The following PRSS36 variants were observed in gnomAD, a reference collection of about 807,000 sequenced individuals.
The protein encoded by PRSS36 is serine protease 36, also known as polyserase-2.
PRSS36 carries 90 observed loss-of-function variants against 94.3 expected under a neutral mutation model. That is an observed-to-expected ratio of 0.95 (90% confidence interval 0.80 to 1.14). The LOEUF (loss-of-function observed/expected upper bound fraction) is 1.14. Ranked by LOEUF, PRSS36 falls within the 50% of genes most tolerant of loss-of-function variation. PRSS36 has a pLI of 0.00. For synonymous variants in PRSS36, 500 were observed against 489.6 expected (o/e 1.02, Z -0.28); for missense variants, 1,158 against 1,135.0 (o/e 1.02, Z -0.29).
intron 9 of PRSS36, 27 bp from the exon 10 acceptor site, chr16:31,142,671 C>A: frequency 7.1e-7 from 1 of 1,407,436 alleles, no homozygotes; most frequent in Non-Finnish European, 9.3e-7. Flanking sequence ...AGGGAGCCCG[C>A]GCTGCGGCCC....
In PRSS36 at chr16:31,140,553, C is replaced by T. The variant is rs554981830; in HGVS notation, c.2106G>A (p.Pro702=). The change falls in exon 13 of 15, where the codon CCG becomes CCA. Residue 702 remains proline, a synonymous_variant. Coordinates refer to ENST00000268281, the MANE Select transcript of PRSS36 (RefSeq NM_173502.5). ...AGCTGGCCCCCGGGGGGATACCCGC[C>T]GGGTGGAGACAGATGGGCAGGGCTG... ...SPSALPICLH[P]AGIPPGASCW... is the part of the protein sequence containing the mutation. The T allele has an allele frequency of 4.2e-5, 67 of 1,585,954 alleles. No individual in the cohort carries two copies. The highest frequency in any genetic ancestry group is 1.3e-4 in the East Asian group (6 of 44,682).
intron 12 of PRSS36, 31 bp from the exon 13 acceptor site, chr16:31,140,788 G>A (rs1369272822): frequency 3.7e-6 from 6 of 1,609,556 alleles, no homozygotes; most frequent in African/African-American, 1.3e-5. Context: ...GTCACCTTCT[G>A]CTCCTCCCAT....
intron 1 of PRSS36, 57 bp downstream of exon 1, chr16:31,149,942 G>GC (rs1344248896): frequency 3.8e-6 from 6 of 1,594,622 alleles, no homozygotes; most frequent in Admixed American, 3.4e-5. Flanking sequence ...CTGCTCTCCA[G>GC]CCCCCCAGAT....
intron 14 of PRSS36, 124 bp downstream of exon 14, chr16:31,140,169 GA>G (rs1353716146): frequency 1.3e-5 from 14 of 1,049,774 alleles, no homozygotes; most frequent in Admixed American, 3.1e-5. Context: ...CCAGCTGGGG[GA>G]CAGAGTGAGA....
At chr16:31,139,446 C>A in intron 14 of PRSS36, 30 bp from the exon 15 acceptor site, 1 of 1,597,058 alleles carries the variant, frequency 6.3e-7, no homozygotes, top group South Asian at 1.1e-5. Context: ...CCACGTGGGT[C>A]TGCTGCCCTT....
chr16:31,140,820 C>G (rs1703709456), intron 12 of PRSS36, 63 bp from the exon 13 acceptor site: 1 of 1,568,398 alleles, frequency 6.4e-7, no homozygotes, highest in African/African-American at 1.3e-5. Context: ...TCCTTCCCAG[C>G]CCAGGGGAAG....
intron 5 of PRSS36, among the ~76,000 whole-genome samples, chr16:31,147,088 TC>T (rs2057809101): frequency 6.6e-6 from 1 of 152,234 alleles, no homozygotes; most frequent in African/African-American, 2.4e-5. Flanking sequence ...GTCCTGGGCG[TC>T]CCTGGAGCTG....
In PRSS36 at chr16:31,143,454, G is replaced by A. The variant is rs145398373; in HGVS notation, c.988C>T (p.Arg330Trp). The change falls in exon 8 of 15, where the codon CGG (arginine) becomes TGG (tryptophan). Residue 330 changes from arginine to tryptophan, a missense_variant. Transcript: ENST00000268281. ...IALPECGKAP[R>W]PGAWPWEAQV... is the part of the protein sequence containing the mutation. ...GCCTCCCAGGGCCAGGCCCCTGGCC[G>A]CGGGGCCTTCCCGCACTCTGAGGGG... is the stretch of plus-strand genomic sequence containing the variant. 3.0e-5 allele frequency: 49 copies of A among 1,609,676 alleles called. No individual in the cohort carries two copies. The highest frequency in any genetic ancestry group is 4.0e-5 in the African/African-American group (3 of 74,762).
Position 31,149,140 on chromosome 16 carries a change from C to T in PRSS36, c.205G>A (p.Gly69Ser). Residue 69 changes from glycine (G) to serine (S), a missense_variant, in exon 4 of 15, where the codon GGC (glycine) becomes AGC (serine). Gly to Ser is a moderately conservative substitution (Grantham distance 56). Transcript: ENST00000268281. ...PWQVSLHHGG[G>S]HICGGSLIAP... ...ATGAGGGAGCCCCCGCAGATGTGGC[C>T]ACCTCCATGGTGCAGGCTCACTTGC... 6.3e-7 allele frequency: 1 copy of T among 1,581,456 alleles called. No individual in the cohort carries two copies. The highest frequency in any genetic ancestry group is 8.6e-7 in the Non-Finnish European group (1 of 1,165,042).
chr16:31,143,666 C>T lies in PRSS36; in HGVS notation c.892G>A (p.Ala298Thr). The change falls in exon 7 of 15, where the codon GCC becomes ACC. Residue 298 changes from alanine to threonine, a missense_variant. Coordinates refer to ENST00000268281, the MANE Select transcript of PRSS36 (RefSeq NM_173502.5). The part of the protein sequence containing the change: ...EQVMGSEPGP[A>T]FPTQPQKTQS... ...GTCTTCTGGGGCTGGGTGGGAAAGGCAGGCCCAGGCTCTGAACCCATCACC... is the reference window on the plus strand; with the variant it reads ...GTCTTCTGGGGCTGGGTGGGAAAGGTAGGCCCAGGCTCTGAACCCATCACC... 2 of 1,614,222 alleles carry T rather than the reference C, an allele frequency of 1.2e-6. No individual in the cohort carries two copies. The highest frequency in any genetic ancestry group is 1.7e-6 in the Non-Finnish European group (2 of 1,180,042).
intron 6 of PRSS36, among the ~76,000 whole-genome samples, chr16:31,144,834 T>C (rs980541570): frequency 1.3e-5 from 2 of 152,134 alleles, no homozygotes; most frequent in African/African-American, 4.8e-5. Context: ...ACGCCTGTAA[T>C]CCCAGAACTT....
Position 31,142,542 on chromosome 16 carries a change from C to T in PRSS36, c.1460G>A (p.Gly487Glu), listed in dbSNP as rs1001747331. The T allele has an allele frequency of 6.6e-7, 1 of 1,517,232 alleles. No individual in the cohort carries two copies. The highest frequency in any genetic ancestry group is 8.8e-7 in the Non-Finnish European group (1 of 1,135,660). The allele number at this position is 1,517,232 out of a possible 1,614,324, so 94.0% of individuals were successfully genotyped here. Residue 487 changes from glycine to glutamate, a missense_variant, in exon 10 of 15, where the codon GGA (glycine) becomes GAA (glutamate). Transcript: ENST00000268281. Reference sequence around the variant, plus strand: ...AGGGCAGAGCGCGTGCGGCGGGTCTCCGGGCAGCGGTACTGCCGCCCCCTG... The same window carrying T: ...AGGGCAGAGCGCGTGCGGCGGGTCTTCGGGCAGCGGTACTGCCGCCCCCTG... ...GRQGAAVPLP[G>E]DPPHALCPAY... is the part of the protein sequence containing the mutation.
intron 5 of PRSS36, among the ~76,000 whole-genome samples, chr16:31,146,719 C>T (rs575444277): frequency 2.0e-5 from 3 of 152,326 alleles, no homozygotes; most frequent in Admixed American, 1.3e-4. Flanking sequence ...GTGACTCACA[C>T]CTGTAATTCC....
chr16:31,140,523 C>T lies in PRSS36; in HGVS notation c.2136G>A (p.Trp712Ter). The T allele has an allele frequency of 6.3e-7, 1 of 1,577,538 alleles. No homozygotes were observed. ...PAGIPPGASC[W>*]VLGWKEPQDR... ...CCTGGGGTTCTTTCCAGCCCAACAC[C>T]CAGCAGCTGGCCCCCGGGGGGATAC... The change falls in exon 13 of 15, where the codon TGG becomes TGA. Residue 712 changes from tryptophan (W) to a stop codon, truncating the protein, a stop_gained. Transcript: ENST00000268281. LOFTEE classifies it high-confidence loss of function.
rs780293670 is a variant in PRSS36 at position 31,145,854 on chromosome 16, T to C, written c.655A>G (p.Thr219Ala). Residue 219 changes from threonine (T) to alanine (A), a missense_variant, in exon 6 of 15, where the codon ACT (threonine) becomes GCT (alanine). Coordinates refer to ENST00000268281, the MANE Select transcript of PRSS36 (RefSeq NM_173502.5). Reference sequence around the variant, plus strand: ...AGCATCCCTGGCAATATCTGGAGAGTGAGGTTGAAGGGACCGGGCTGGCTG... The same window carrying C: ...AGCATCCCTGGCAATATCTGGAGAGCGAGGTTGAAGGGACCGGGCTGGCTG... ...LYSQPGPFNL[T>A]LQILPGMLCA... 17 of 1,613,672 alleles carry C rather than the reference T, an allele frequency of 1.1e-5. No individual in the cohort carries two copies. The highest frequency in any genetic ancestry group is 1.4e-5 in the Non-Finnish European group (17 of 1,179,888).
Position 31,139,284 on chromosome 16 carries a change from C to T in PRSS36, c.2422G>A (p.Gly808Arg). ...CTGGGGGGCAGGAAGTTGGCCTCTCCCACTGTCTGGGAGATCCAGGCCTCT... is the reference window on the plus strand; with the variant it reads ...CTGGGGGGCAGGAAGTTGGCCTCTCTCACTGTCTGGGAGATCCAGGCCTCT... ...PEEAWISQTVGEANFLPPSGS... is the reference protein window; with the variant it reads ...PEEAWISQTVREANFLPPSGS... Residue 808 changes from glycine (G) to arginine (R), a missense_variant, in exon 15 of 15, where the codon GGA becomes AGA. By Grantham distance (125) the Gly-to-Arg change is moderately radical (BLOSUM62 -2). Coordinates refer to ENST00000268281, the MANE Select transcript of PRSS36 (RefSeq NM_173502.5). 1 of 1,614,158 alleles carries T rather than the reference C, an allele frequency of 6.2e-7. No individual in the cohort carries two copies. Among genetic ancestry groups the T allele is most frequent in the East Asian group, 2.2e-5 (1 of 44,878 alleles).
intron 5 of PRSS36, 65 bp downstream of exon 5, chr16:31,148,330 T>C (rs950610668): frequency 2.8e-6 from 4 of 1,446,714 alleles, no homozygotes; most frequent in Non-Finnish European, 3.6e-6. Context: ...GGCCCCGCCC[T>C]AGGAACCTCA....
intron 8 of PRSS36, 81 bp downstream of exon 8, chr16:31,143,261 G>A: frequency 6.6e-7 from 1 of 1,513,680 alleles, no homozygotes. Context: ...CACCCCCTGG[G>A]GAGGGGCTGG....
chr16:31,142,399 T>C (rs980441501), intron 10 of PRSS36, 82 bp downstream of exon 10: 72 of 1,339,400 alleles, frequency 5.4e-5, no homozygotes, highest in Non-Finnish European at 6.4e-5. Context: ...AGAGCCCACT[T>C]GGACTCGCCT....
Sources: gnomAD v4.1 joint callset for allele counts (sites outside exome capture counted in the v4.1 genomes callset) on GRCh38, gnomAD v4.1.1 for gene constraint, MANE v1.5 for transcripts, NCBI Gene and HGNC (gene_info 2026-07-23, HGNC 2026-07-21) for gene names.